Variants in LARGE1 observed in about 807,000 individuals in gnomAD.
LARGE1 encodes LARGE xylosyl- and glucuronyltransferase 1.
LARGE1 carries 43 observed loss-of-function variants against 87.6 expected under a neutral mutation model. The ratio of observed to expected loss-of-function variants is 0.49; its 90% CI spans 0.38 to 0.63. LARGE1 has a LOEUF of 0.63. Ranked by LOEUF, LARGE1 falls within the 30% of genes least tolerant of loss-of-function variation. The probability of loss-of-function intolerance (pLI) is 0.00; values close to 1 mark genes in which losing one functional copy is unlikely to be tolerated. For missense variants in LARGE1, 802 were observed against 1,000.2 expected, an observed-to-expected ratio of 0.80 and a Z score of 2.67; for synonymous variants, 434 against 394.6, an observed-to-expected ratio of 1.10 and a Z score of -1.18.
intron 6 of LARGE1, among the ~76,000 whole-genome samples, chr22:33,473,703 C>T (rs1356700015): frequency 6.6e-6 from 1 of 152,166 alleles, no homozygotes. Context: ...CTTGGCCTTC[C>T]AAAGTGCTGG....
At position 33,478,723 on chromosome 22, in the gene LARGE1, G is replaced by A. The variant is rs74369040; in HGVS notation, c.788-46458C>T. On this transcript the variant is annotated intron_variant, in intron 6 of 14. Coordinates refer to ENST00000397394, the MANE Select transcript of LARGE1 (RefSeq NM_133642.5). ...ATGAGATAGCACATGAAAGCATCTG[G>A]CACAATGCCTAGGAGGAATCTAGTA... 2.8e-3 allele frequency among the ~76,000 whole-genome samples: 419 copies of A among 152,266 alleles called. 2 individuals are homozygous for A. The highest frequency in any genetic ancestry group is 6.8e-3 in the Middle Eastern group (2 of 294).
intron 10 of LARGE1, among the ~76,000 whole-genome samples, chr22:33,326,716 G>C (rs1937275344): frequency 6.6e-6 from 1 of 152,270 alleles, no homozygotes; most frequent in African/African-American, 2.4e-5. Flanking sequence ...GGAAAGGAGA[G>C]GAAGGGAGGG....
intron 7 of LARGE1, among the ~76,000 whole-genome samples, chr22:33,426,407 G>T (rs1051825400): frequency 2.0e-5 from 3 of 152,136 alleles, no homozygotes; most frequent in Admixed American, 2.0e-4. Context: ...CCCAATCACA[G>T]TATTCTTTCA....
intron 11 of LARGE1, among the ~76,000 whole-genome samples, chr22:33,187,164 G>A (rs751325078): frequency 6.6e-6 from 1 of 152,274 alleles, no homozygotes; most frequent in Non-Finnish European, 1.5e-5. Context: ...AAATGAAACC[G>A]ATTTGTTGAG....
At chr22:33,912,444 T>C (rs1194549532) in intron 1 of LARGE1, among the ~76,000 whole-genome samples, 9 of 152,212 alleles carry the variant, frequency 5.9e-5, no homozygotes, top group Admixed American at 5.2e-4. Flanking sequence ...ATGGCTACCA[T>C]GGAGAGCTGG....
At chr22:33,899,516 G>A (rs904191390) in intron 1 of LARGE1, among the ~76,000 whole-genome samples, 2 of 152,160 alleles carry the variant, frequency 1.3e-5, no homozygotes, top group African/African-American at 2.4e-5. Context: ...GGATAGCTTT[G>A]CCTGGAAGCA....
intron 3 of LARGE1, among the ~76,000 whole-genome samples, chr22:33,629,836 G>C (rs1277979477): frequency 6.6e-6 from 1 of 152,122 alleles, no homozygotes; most frequent in East Asian, 1.9e-4. Context: ...GGGAGGCCAA[G>C]GTGGGCGGAT....
Position 33,175,835 on chromosome 22 carries a change from C to T in LARGE1, c.1731-9003G>A, listed in dbSNP as rs370924653. Among the ~76,000 whole-genome samples, 9 of 152,078 alleles carry T rather than the reference C, an allele frequency of 5.9e-5. No individual in the cohort carries two copies. In the South Asian group the frequency reaches 1.0e-3, roughly 18 times the overall value. On this transcript the variant is annotated intron_variant, in intron 11 of 11. Transcript: ENST00000608642. ...ATTTCAAATAAACCAAAAAAGAGCCCGCATTACCAAGACAATCCTAAGCAA... is the reference window on the plus strand; with the variant it reads ...ATTTCAAATAAACCAAAAAAGAGCCTGCATTACCAAGACAATCCTAAGCAA...
chr22:33,238,325 A>G (rs1199953059), intron 11 of LARGE1, among the ~76,000 whole-genome samples: 1 of 152,220 alleles, frequency 6.6e-6, no homozygotes, highest in African/African-American at 2.4e-5. Flanking sequence ...TCTGGAATAT[A>G]TCTTGATCCT....
At chr22:33,681,103 C>G (rs1238602718) in intron 2 of LARGE1, among the ~76,000 whole-genome samples, 2 of 152,144 alleles carry the variant, frequency 1.3e-5, no homozygotes, top group Non-Finnish European at 2.9e-5. Context: ...TTCCAACACA[C>G]TTTATTATTT....
chr22:33,617,029 A>C (rs896689535), intron 4 of LARGE1, among the ~76,000 whole-genome samples: 5 of 152,172 alleles, frequency 3.3e-5, no homozygotes, highest in African/African-American at 1.2e-4. Context: ...TATTTGGGAG[A>C]GGGAAGGAGG....
chr22:33,221,647 T>C (rs2145625217), intron 11 of LARGE1: 1 of 152,342 alleles, frequency 6.6e-6, no homozygotes, highest in African/African-American at 2.4e-5. Flanking sequence ...CCCCAGTCCA[T>C]GGCCTGTGGA....
At chr22:33,235,184 A>T (rs963366969) in intron 11 of LARGE1, among the ~76,000 whole-genome samples, 2 of 152,252 alleles carry the variant, frequency 1.3e-5, no homozygotes, top group Admixed American at 1.3e-4. Flanking sequence ...GCAGTAAGCA[A>T]GAGAGACAAG....
At chr22:33,079,843 A>G in the LARGE1 span, among the ~76,000 whole-genome samples, 1 of 152,192 alleles carries the variant, frequency 6.6e-6, no homozygotes, top group Non-Finnish European at 1.5e-5. Flanking sequence ...AAAGATGAAC[A>G]GGAATGACCC....
chr22:33,834,847 A>G (rs531916255), intron 1 of LARGE1, among the ~76,000 whole-genome samples: 1 of 152,326 alleles, frequency 6.6e-6, no homozygotes, highest in South Asian at 2.1e-4. Context: ...CACTCCATTC[A>G]CTGGTCTTTA....
intron 2 of LARGE1, among the ~76,000 whole-genome samples, chr22:33,686,770 C>A (rs1190492873): frequency 6.6e-6 from 1 of 152,148 alleles, no homozygotes; most frequent in Non-Finnish European, 1.5e-5. Context: ...CAGCAGATCC[C>A]TGCTCTGAGC....
intron 1 of LARGE1, among the ~76,000 whole-genome samples, chr22:33,855,825 C>T (rs1039209858): frequency 6.6e-5 from 10 of 152,206 alleles, no homozygotes; most frequent in African/African-American, 1.9e-4. Flanking sequence ...CATACCTGCC[C>T]TCATTACACG....
At chr22:33,346,867 C>T (rs138484050) in intron 9 of LARGE1, among the ~76,000 whole-genome samples, 1,583 of 152,282 alleles carry the variant, frequency 0.01, 10 homozygotes, top group South Asian at 0.017. Flanking sequence ...GGGGTGGCCA[C>T]GTGACCTAGG....
At chr22:33,726,908 C>A (rs1202067052) in intron 2 of LARGE1, among the ~76,000 whole-genome samples, 1 of 152,084 alleles carries the variant, frequency 6.6e-6, no homozygotes, top group Non-Finnish European at 1.5e-5. Context: ...TGATGATCAT[C>A]TTAATAGAAA....
Sources: gnomAD v4.1 joint callset for allele counts (sites outside exome capture counted in the v4.1 genomes callset) on GRCh38, gnomAD v4.1.1 for gene constraint, MANE v1.5 for transcripts, NCBI Gene and HGNC (gene_info 2026-07-23, HGNC 2026-07-21) for gene names.